ADAMTS17: variants seen among roughly 807,000 people sequenced by gnomAD.
ADAMTS17 encodes the protein ADAM metallopeptidase with thrombospondin type 1 motif 17.
Under a neutral mutation model 141.5 loss-of-function variants are expected in ADAMTS17, and 113 were observed. The observed-to-expected ratio is 0.80, with a 90% confidence interval of 0.69 to 0.93. The LOEUF is 0.93. Ranked by LOEUF, ADAMTS17 falls within the 40% of genes least tolerant of loss-of-function variation. The pLI, the probability that ADAMTS17 is intolerant of heterozygous loss-of-function variation, is 0.00. For missense variants in ADAMTS17, 1,659 were observed against 1,517.9 expected (o/e 1.09, Z -1.54); for synonymous variants, 768 against 630.6 (o/e 1.22, Z -3.27).
At position 100,078,922 on chromosome 15, in the gene ADAMTS17, C is replaced by T. The variant is rs538885855; in HGVS notation, c.2137+17434G>A. On this transcript the variant is annotated intron_variant, in intron 15 of 21. Coordinates refer to ENST00000268070, the MANE Select transcript of ADAMTS17 (RefSeq NM_139057.4). ...GGCAAAGGATTTTAACAGGCACTTC[C>T]GCAAAAAAGATATATGAACAATCCA... Among the ~76,000 whole-genome samples, 21 of 151,866 alleles carry T rather than the reference C, an allele frequency of 1.4e-4. No homozygotes were observed. In the South Asian group the frequency reaches 1.7e-3, roughly 12 times the overall value.
intron 8 of ADAMTS17, among the ~76,000 whole-genome samples, chr15:100,165,846 G>A (rs2039930474): frequency 6.6e-6 from 1 of 152,206 alleles, no homozygotes; most frequent in South Asian, 2.1e-4. Flanking sequence ...AGGACAAATA[G>A]AGGGAGTAGA....
intron 18 of ADAMTS17, among the ~76,000 whole-genome samples, chr15:100,034,227 A>G (rs2246788): frequency 0.11 from 16,088 of 152,254 alleles, 2,223 homozygotes; most frequent in African/African-American, 0.32. Flanking sequence ...AAAGTGGTTC[A>G]CAGCACACAG....
intron 20 of ADAMTS17, among the ~76,000 whole-genome samples, chr15:99,983,124 G>A (rs1313002549): frequency 2.0e-5 from 3 of 152,174 alleles, no homozygotes; most frequent in East Asian, 3.8e-4. Flanking sequence ...CATTGTGCAA[G>A]CGTTACTAGC....
intron 7 of ADAMTS17, among the ~76,000 whole-genome samples, chr15:100,205,935 C>G (rs992101548): frequency 6.6e-6 from 1 of 152,182 alleles, no homozygotes; most frequent in Admixed American, 6.5e-5. Flanking sequence ...CTCCAGAGGG[C>G]AAACAAGTGG....
At chr15:100,167,838 T>C (rs1023178170) in intron 8 of ADAMTS17, among the ~76,000 whole-genome samples, 16 of 152,242 alleles carry the variant, frequency 1.1e-4, no homozygotes, top group Admixed American at 8.5e-4. Flanking sequence ...ACCTAATTTT[T>C]ACTTAGGAAG....
intron 8 of ADAMTS17, among the ~76,000 whole-genome samples, chr15:100,160,164 T>C (rs1006545226): frequency 2.0e-5 from 3 of 151,982 alleles, no homozygotes; most frequent in African/African-American, 7.3e-5. Flanking sequence ...TCAAGTCCCT[T>C]AAGAAAACAA....
chr15:100,230,695 T>C (rs2042453234), intron 7 of ADAMTS17, among the ~76,000 whole-genome samples: 1 of 152,200 alleles, frequency 6.6e-6, no homozygotes, highest in Non-Finnish European at 1.5e-5. Context: ...TAGGAAGTAT[T>C]GCATTTTGAA....
chr15:100,276,737 T>C (rs2044110962), intron 4 of ADAMTS17, among the ~76,000 whole-genome samples: 2 of 152,100 alleles, frequency 1.3e-5, no homozygotes, highest in African/African-American at 4.8e-5. Flanking sequence ...TTCTGCTCTA[T>C]GTTCCAGGGG....
At chr15:100,207,725 G>A (rs896879153) in intron 7 of ADAMTS17, among the ~76,000 whole-genome samples, 1 of 152,196 alleles carries the variant, frequency 6.6e-6, no homozygotes, top group Admixed American at 6.5e-5. Flanking sequence ...AGGCAGAGAA[G>A]TGCCATCCCT....
At chr15:100,150,557 C>A (rs113030898) in intron 10 of ADAMTS17, among the ~76,000 whole-genome samples, 40 of 152,234 alleles carry the variant, frequency 2.6e-4, no homozygotes, top group African/African-American at 9.4e-4. Context: ...GACTGTGAGT[C>A]CCCAGTACAA....
chr15:100,222,944 C>CA lies in ADAMTS17; in HGVS notation c.1076-23522dup, dbSNP rs569700149. 4.1e-4 allele frequency among the ~76,000 whole-genome samples: 62 copies of CA among 152,350 alleles called. 1 individual carries two copies. In the East Asian group the frequency reaches 0.012, roughly 29 times the overall value. On this transcript the variant is annotated intron_variant, in intron 7 of 21. Coordinates refer to ENST00000268070, the MANE Select transcript of ADAMTS17 (RefSeq NM_139057.4). ...ACACACTTTGCTGGCATTCAAATCA[C>CA]AAAGGGGTGTTTCCTGGGATTTAAT...
intron 7 of ADAMTS17, among the ~76,000 whole-genome samples, chr15:100,216,141 C>T (rs1298653655): frequency 6.6e-6 from 1 of 152,152 alleles, no homozygotes; most frequent in Non-Finnish European, 1.5e-5. Context: ...CCTTGTGCCC[C>T]CTTTTGTAAG....
At chr15:100,102,362 AACC>A (rs1567175911) in intron 14 of ADAMTS17, among the ~76,000 whole-genome samples, 11 of 81,374 alleles carry the variant, frequency 1.4e-4, no homozygotes, top group African/African-American at 5.7e-4. Flanking sequence ...TTTGAGGGCC[AACC>A]GAAGGGGATC....
chr15:99,977,386 ATATATATATATATAATTTTTTTTT>A (rs1567632425), intron 20 of ADAMTS17, among the ~76,000 whole-genome samples: 4 of 11,472 alleles, frequency 3.5e-4, no homozygotes, highest in African/African-American at 1.0e-3. Flanking sequence ...ATATATATAT[ATATATATATATATAATTTTTTTTT>A]TTTTTTTTTT....
chr15:100,017,017 ACT>A (rs1344989761), intron 18 of ADAMTS17, among the ~76,000 whole-genome samples: 3 of 151,428 alleles, frequency 2.0e-5, no homozygotes, highest in Admixed American at 2.0e-4. Flanking sequence ...CTGAGCTCAG[ACT>A]CTCCTTGGGC....
chr15:100,083,851 G>C (rs569700343), intron 15 of ADAMTS17, among the ~76,000 whole-genome samples: 49 of 151,732 alleles, frequency 3.2e-4, no homozygotes, highest in African/African-American at 1.1e-3. Context: ...TCTAGAGCAA[G>C]GGCAAGGTTT....
intron 12 of ADAMTS17, 62 bp downstream of exon 12, chr15:100,131,945 A>G: frequency 6.2e-7 from 1 of 1,609,462 alleles, no homozygotes; most frequent in Non-Finnish European, 8.5e-7. Flanking sequence ...TGAGGCAGCG[A>G]GAGCTGCTGT....
At chr15:99,979,696 C>A (rs2060443940) in intron 20 of ADAMTS17, 1 of 152,220 alleles carries the variant, frequency 6.6e-6, no homozygotes, top group Non-Finnish European at 1.5e-5. Flanking sequence ...ACCAACACTA[C>A]AATCACCAGG....
In ADAMTS17 at chr15:100,199,138, GT is replaced by G. The variant is rs57871346; in HGVS notation, c.1181+179del. On this transcript the variant is annotated intron_variant, in intron 8 of 21. Transcript: ENST00000268070. ...ACATTTCAACTCTCCAAGCCAATCG[GT>G]GCAGTCATCTCGTGGGGTCTCTGAG... Among the ~76,000 whole-genome samples the G allele has an allele frequency of 8.3e-3, 1,269 of 152,318 alleles. 23 individuals are homozygous for G. Among genetic ancestry groups the G allele is most frequent in the African/African-American group, 0.03 (1,229 of 41,558 alleles).
Sources: allele counts gnomAD v4.1 joint callset (sites outside exome capture counted in the v4.1 genomes callset), GRCh38; gene constraint gnomAD v4.1.1; transcripts MANE v1.5; gene names NCBI Gene and HGNC (gene_info 2026-07-23, HGNC 2026-07-21).